FMN1: variants seen among roughly 807,000 people sequenced by gnomAD.
The protein encoded by FMN1 is formin 1.
In FMN1, 110 loss-of-function variants were observed where a neutral mutation model predicts 132.4. The ratio of observed to expected loss-of-function variants is 0.83; its 90% CI spans 0.71 to 0.97. The LOEUF is 0.97. Among genes scored for constraint, FMN1 ranks in the 50% least tolerant of loss-of-function variants. The pLI is 0.00. For missense variants in FMN1, 1,792 were observed against 1,705.3 expected (o/e 1.05, Z -0.90); for synonymous variants, 722 against 651.7 (o/e 1.11, Z -1.64).
At chr15:33,012,643 G>C in intron 6 of FMN1, 2 of 907,414 alleles carry the variant, frequency 2.2e-6, no homozygotes, top group South Asian at 2.6e-5. Flanking sequence ...CAACTGTGAA[G>C]GTAGGAAAGC....
chr15:33,157,208 T>C (rs1964705939), intron 3 of FMN1, among the ~76,000 whole-genome samples: 1 of 147,792 alleles, frequency 6.8e-6, no homozygotes, highest in African/African-American at 2.5e-5. Context: ...AAGGTTGCAG[T>C]GAGCTGACAT....
At position 32,888,311 on chromosome 15, in the gene FMN1, A is replaced by C. The variant is rs1567330856; in HGVS notation, c.3715-19T>G. The C allele has an allele frequency of 6.3e-7, 1 of 1,592,822 alleles. No individual in the cohort carries two copies. Among genetic ancestry groups the C allele is most frequent in the East Asian group, 2.2e-5 (1 of 44,752 alleles). ...CAGCTTCCTAAGAGATATGGTAAACAAAAGTACATTATACTTCCCAATTGT... is the reference window on the plus strand; with the variant it reads ...CAGCTTCCTAAGAGATATGGTAAACCAAAGTACATTATACTTCCCAATTGT... On this transcript the variant is annotated intron_variant, in intron 15 of 20. Transcript: ENST00000616417.
chr15:33,134,674 C>T (rs559528014), intron 4 of FMN1, among the ~76,000 whole-genome samples: 1 of 152,320 alleles, frequency 6.6e-6, no homozygotes, highest in Non-Finnish European at 1.5e-5. Flanking sequence ...CTTAAGCTCT[C>T]TGACATTCAG....
chr15:33,149,221 C>T (rs1379161740), intron 4 of FMN1, among the ~76,000 whole-genome samples: 3 of 152,136 alleles, frequency 2.0e-5, no homozygotes, highest in Non-Finnish European at 4.4e-5. Flanking sequence ...CAGTGTTCTT[C>T]CACACTCATC....
At chr15:33,025,604 C>T (rs1048547686) in intron 6 of FMN1, among the ~76,000 whole-genome samples, 1 of 152,054 alleles carries the variant, frequency 6.6e-6, no homozygotes, top group Non-Finnish European at 1.5e-5. Flanking sequence ...ATTTGTGAAA[C>T]CCAACCAACC....
At chr15:33,031,384 A>G (rs2035930531) in intron 6 of FMN1, among the ~76,000 whole-genome samples, 1 of 152,180 alleles carries the variant, frequency 6.6e-6, no homozygotes, top group Non-Finnish European at 1.5e-5. Context: ...TGCAATCCAC[A>G]GGGCAGATCT....
intron 7 of FMN1, among the ~76,000 whole-genome samples, chr15:32,978,460 T>C (rs1364945986): frequency 6.6e-6 from 1 of 152,178 alleles, no homozygotes; most frequent in Non-Finnish European, 1.5e-5. Flanking sequence ...CAGACTCTAT[T>C]TTTCCAAAAA....
rs1183400041 is a variant in FMN1 at position 32,962,719 on chromosome 15, G to T, written c.3138+1388C>A. Reference sequence around the variant, plus strand: ...ACACTTCTCAAAAGAAGACATTTATGCAGCCAAAAAACACATGAAAAAATG... The same window carrying T: ...ACACTTCTCAAAAGAAGACATTTATTCAGCCAAAAAACACATGAAAAAATG... On this transcript the variant is annotated intron_variant, in intron 9 of 20. Transcript: ENST00000616417. Among the ~76,000 whole-genome samples, 12 of 149,302 alleles carry T rather than the reference G, an allele frequency of 8.0e-5. 2 individuals are homozygous for T. Among genetic ancestry groups the T allele is most frequent in the Admixed American group, 7.9e-4 (12 of 15,120 alleles).
At chr15:32,808,202 A>C (rs11632119) in intron 17 of FMN1, among the ~76,000 whole-genome samples, 2 of 152,128 alleles carry the variant, frequency 1.3e-5, no homozygotes, top group Admixed American at 6.5e-5. Context: ...CAGCCTACCA[A>C]GTGAAGCAGA....
chr15:32,780,803 G>A (rs971381833), intron 19 of FMN1, among the ~76,000 whole-genome samples: 3 of 152,138 alleles, frequency 2.0e-5, no homozygotes, highest in African/African-American at 4.8e-5. Context: ...CCAGGCAGGC[G>A]GTAATAGCAG....
At chr15:32,823,533 T>C (rs1169589806) in intron 17 of FMN1, among the ~76,000 whole-genome samples, 2 of 152,064 alleles carry the variant, frequency 1.3e-5, no homozygotes, top group East Asian at 3.9e-4. Context: ...ATGAGAAAAT[T>C]CTCACAAATG....
At chr15:32,939,193 C>G (rs2061347112) in intron 9 of FMN1, among the ~76,000 whole-genome samples, 1 of 152,196 alleles carries the variant, frequency 6.6e-6, no homozygotes, top group Admixed American at 6.5e-5. Context: ...CTCAAGAGTC[C>G]TGTAAAGTAT....
At chr15:32,803,379 G>C (rs894201522) in intron 18 of FMN1, among the ~76,000 whole-genome samples, 5 of 152,142 alleles carry the variant, frequency 3.3e-5, no homozygotes, top group African/African-American at 1.2e-4. Flanking sequence ...TGACTAACCT[G>C]GTCAACTAAC....
chr15:33,071,584 T>TTA, intron 5 of FMN1, among the ~76,000 whole-genome samples: 1 of 152,314 alleles, frequency 6.6e-6, no homozygotes, highest in Middle Eastern at 3.4e-3. Flanking sequence ...ACCAAGGACT[T>TTA]TATCCCCCAG....
At chr15:33,045,860 G>C (rs1194199378) in intron 6 of FMN1, among the ~76,000 whole-genome samples, 1 of 152,186 alleles carries the variant, frequency 6.6e-6, no homozygotes, top group Non-Finnish European at 1.5e-5. Context: ...AAGGGAACCT[G>C]AAAACAAAGC....
At chr15:32,874,088 C>A (rs2059583495) in intron 16 of FMN1, among the ~76,000 whole-genome samples, 1 of 145,858 alleles carries the variant, frequency 6.9e-6, no homozygotes, top group Admixed American at 7.0e-5. Context: ...ATGGCGCGAT[C>A]TCGGCTCACT....
rs146343565 is a variant in FMN1, at chr15:33,134,362, G to C, written c.1867+18686C>G. Among the ~76,000 whole-genome samples the C allele has an allele frequency of 7.4e-4, 112 of 152,304 alleles. 1 individual carries two copies. The highest frequency in any genetic ancestry group is 1.1e-3 in the Non-Finnish European group (78 of 68,030). On this transcript the variant is annotated intron_variant, in intron 4 of 20. Coordinates refer to ENST00000616417, the MANE Select transcript of FMN1 (RefSeq NM_001277313.2). ...AGGGATGTCTCAGGAGGCAGTTGTG[G>C]GGGAGGATGCTGAGGTAACAGTTCC...
intron 6 of FMN1, among the ~76,000 whole-genome samples, chr15:33,062,458 A>G (rs775980089): frequency 2.6e-5 from 4 of 152,092 alleles, no homozygotes; most frequent in Non-Finnish European, 5.9e-5. Context: ...CGTCTCTACT[A>G]AAAATGCAAA....
chr15:33,121,285 T>C (rs923913040), intron 4 of FMN1, among the ~76,000 whole-genome samples: 2 of 152,248 alleles, frequency 1.3e-5, no homozygotes, highest in Admixed American at 6.5e-5. Flanking sequence ...TGAGTTTCAA[T>C]ACCACAATGA....
Sources: allele counts gnomAD v4.1 joint callset (sites outside exome capture counted in the v4.1 genomes callset), GRCh38; gene constraint gnomAD v4.1.1; transcripts MANE v1.5; gene names NCBI Gene and HGNC (gene_info 2026-07-23, HGNC 2026-07-21).